GFRA1: variants seen among roughly 807,000 people sequenced by gnomAD.
The protein encoded by GFRA1 is GDNF family receptor alpha 1.
A neutral mutation model predicts 51.6 loss-of-function variants in GFRA1; 16 were observed. The ratio of observed to expected loss-of-function variants is 0.31; its 90% CI spans 0.21 to 0.47. GFRA1 has a LOEUF of 0.47. Among genes scored for constraint, GFRA1 ranks in the 20% least tolerant of loss-of-function variants. The pLI, the probability that GFRA1 is intolerant of heterozygous loss-of-function variation, is 1.00. For missense variants in GFRA1, 530 were observed against 594.3 expected, an observed-to-expected ratio of 0.89 and a Z score of 1.13; for synonymous variants, 270 against 241.3, an observed-to-expected ratio of 1.12 and a Z score of -1.10.
intron 4 of GFRA1, among the ~76,000 whole-genome samples, chr10:116,228,341 C>T (rs1374473909): frequency 6.6e-6 from 1 of 152,156 alleles, no homozygotes; most frequent in Non-Finnish European, 1.5e-5. Flanking sequence ...CTGGAGATGC[C>T]TAAGAAGACA....
chr10:116,273,685 C>CTCTCTCTG (rs1844116815), upstream of GFRA1, among the ~76,000 whole-genome samples: 1 of 127,594 alleles, frequency 7.8e-6, no homozygotes, highest in African/African-American at 3.0e-5. Flanking sequence ...CTCTCTCTCT[C>CTCTCTCTG]TCTCTCTCTC....
intron 5 of GFRA1, among the ~76,000 whole-genome samples, chr10:116,141,852 G>A (rs1015253981): frequency 2.6e-5 from 4 of 152,088 alleles, no homozygotes; most frequent in African/African-American, 9.7e-5. Context: ...CCAAATTGCT[G>A]GGATTACAGG....
At chr10:116,222,569 G>A (rs770822085) in intron 4 of GFRA1, among the ~76,000 whole-genome samples, 58 of 152,170 alleles carry the variant, frequency 3.8e-4, no homozygotes, top group Admixed American at 3.4e-3. Flanking sequence ...CAACATCTCC[G>A]TTTGATTGAG....
intron 5 of GFRA1, among the ~76,000 whole-genome samples, chr10:116,129,037 T>C (rs180691329): frequency 6.6e-6 from 1 of 152,288 alleles, no homozygotes; most frequent in Admixed American, 6.5e-5. Flanking sequence ...TTTCAGAGCC[T>C]GTGACAAATT....
chr10:116,210,615 C>T (rs1565653576), intron 5 of GFRA1, among the ~76,000 whole-genome samples: 1 of 152,108 alleles, frequency 6.6e-6, no homozygotes, highest in Non-Finnish European at 1.5e-5. Flanking sequence ...TACGACAGTA[C>T]CCTCATTGTT....
chr10:116,269,483 G>A lies in GFRA1; in HGVS notation c.418+20C>T, dbSNP rs1969923141. 2 of 1,368,308 alleles carry A rather than the reference G, an allele frequency of 1.5e-6. No individual in the cohort carries two copies. Among genetic ancestry groups the A allele is most frequent in the Non-Finnish European group, 2.1e-6 (2 of 955,618 alleles). The allele number at this position is 1,368,308 out of a possible 1,614,324, so 84.8% of individuals were successfully genotyped here. A position where few individuals can be genotyped will look rare whatever the true frequency, so the allele number is the denominator to read the frequency against. On this transcript the variant is annotated intron_variant, in intron 4 of 10. Transcript: ENST00000355422. ...TTCAAGCACACAAAGGCATCAGCAT[G>A]GAAGTATAAATCTGCTTACCTGATA...
In GFRA1 at chr10:116,270,809, G is replaced by T. The variant is rs371257858; in HGVS notation, c.334+13C>A. ...GAGGGACACGGGGTGGGGTGGGGAG[G>T]TTCCACGCGTACCCTGCAGGCTCTG... On this transcript the variant is annotated intron_variant, in intron 3 of 10. Transcript: ENST00000355422. 9 of 1,606,270 alleles carry T rather than the reference G, an allele frequency of 5.6e-6. No individual in the cohort carries two copies. In the African/African-American group the frequency reaches 1.2e-4, roughly 21 times the overall value.
At chr10:116,092,379 T>TA (rs1956387436) in intron 8 of GFRA1, among the ~76,000 whole-genome samples, 1 of 152,122 alleles carries the variant, frequency 6.6e-6, no homozygotes, top group South Asian at 2.1e-4. Flanking sequence ...GAGGAAGTTT[T>TA]AGAGTAACAC....
At chr10:116,121,253 A>G (rs536591900) in intron 6 of GFRA1, among the ~76,000 whole-genome samples, 10 of 152,294 alleles carry the variant, frequency 6.6e-5, no homozygotes, top group African/African-American at 2.4e-4. Context: ...TCCAGGCACT[A>G]AGAAAAGCAA....
At chr10:116,188,216 G>T (rs562815884) in intron 5 of GFRA1, among the ~76,000 whole-genome samples, 1 of 152,158 alleles carries the variant, frequency 6.6e-6, no homozygotes, top group South Asian at 2.1e-4. Context: ...CCTGTGGGAT[G>T]GGGGGTCAAC....
intron 7 of GFRA1, among the ~76,000 whole-genome samples, chr10:116,094,929 T>C (rs1956510442): frequency 6.6e-6 from 1 of 152,160 alleles, no homozygotes; most frequent in Non-Finnish European, 1.5e-5. Context: ...GCCCCTGGCA[T>C]ACATGGAAGA....
chr10:116,081,274 AC>A (rs2133835373), intron 9 of GFRA1, among the ~76,000 whole-genome samples: 1 of 152,266 alleles, frequency 6.6e-6, no homozygotes, highest in East Asian at 1.9e-4. Context: ...GGAGTCTGAC[AC>A]CCTGAGTGGT....
Position 116,272,076 on chromosome 10 carries a change from C to T in GFRA1, c.-47G>A. 1.3e-6 allele frequency: 2 copies of T among 1,499,354 alleles called. No homozygotes were observed. The highest frequency in any genetic ancestry group is 9.1e-7 in the Non-Finnish European group (1 of 1,101,846). The allele number at this position is 1,499,354 out of a possible 1,614,324, so 92.9% of individuals were successfully genotyped here. ...CCCGCCCCCCCAAAAAAATCCCGAG[C>T]CGCCGCTGGGTCTTGCCGAGGGAGC... is the stretch of plus-strand genomic sequence containing the variant. On this transcript the variant is annotated 5_prime_UTR_variant, in exon 2 of 11. Transcript: ENST00000355422. This position sits in a 1 kb window ranked among gnomAD's most constrained non-coding sequence, Gnocchi z 4.4.
intron 5 of GFRA1, among the ~76,000 whole-genome samples, chr10:116,199,653 G>C (rs1964172441): frequency 6.6e-6 from 1 of 152,140 alleles, no homozygotes; most frequent in Non-Finnish European, 1.5e-5. Flanking sequence ...GCAGATACCA[G>C]TACACTTGTC....
intron 5 of GFRA1, among the ~76,000 whole-genome samples, chr10:116,148,004 G>A (rs1436018102): frequency 7.4e-6 from 1 of 135,506 alleles, no homozygotes; most frequent in East Asian, 2.3e-4. Flanking sequence ...CTAGTGTGAA[G>A]GCAAAGAACG....
At chr10:116,184,824 G>C (rs917247585) in intron 5 of GFRA1, among the ~76,000 whole-genome samples, 15 of 152,082 alleles carry the variant, frequency 9.9e-5, no homozygotes, top group African/African-American at 3.6e-4. Context: ...GCCCTGGGTA[G>C]AGTCTCCCTG....
intron 5 of GFRA1, among the ~76,000 whole-genome samples, chr10:116,168,520 GTCACTCTGCAGGCCTGGGC>G (rs1960715227): frequency 6.6e-6 from 1 of 152,106 alleles, no homozygotes; most frequent in African/African-American, 2.4e-5. Flanking sequence ...CTACTGTTGT[GTCACTCTGCAGGCCTGGGC>G]TCACTCCACT....
intron 4 of GFRA1, among the ~76,000 whole-genome samples, chr10:116,237,299 C>T (rs967188263): frequency 6.6e-6 from 1 of 152,108 alleles, no homozygotes; most frequent in Non-Finnish European, 1.5e-5. Context: ...TCTGGTTGAA[C>T]CATAAAACAT....
intron 9 of GFRA1, among the ~76,000 whole-genome samples, chr10:116,066,010 A>T (rs1370670271): frequency 6.6e-6 from 1 of 152,178 alleles, no homozygotes; most frequent in Non-Finnish European, 1.5e-5. Flanking sequence ...TACTAAAGAA[A>T]ACGTTTTGAA....
Sources: gnomAD v4.1 joint callset for allele counts (sites outside exome capture counted in the v4.1 genomes callset) on GRCh38, gnomAD v4.1.1 for gene constraint, Gnocchi (gnomAD v3.1) non-coding constraint, MANE v1.5 for transcripts, NCBI Gene and HGNC (gene_info 2026-07-23, HGNC 2026-07-21) for gene names.